Variants in FAN1 observed in about 807,000 individuals in gnomAD.
The protein encoded by FAN1 is FANCD2 and FANCI associated nuclease 1.
FAN1 carries 91 observed loss-of-function variants against 104.9 expected under a neutral mutation model. The observed-to-expected ratio is 0.87, with a 90% CI of 0.73 to 1.03. The LOEUF (loss-of-function observed/expected upper bound fraction) is 1.03. FAN1 is among the 50% of genes least tolerant of loss of function. FAN1 has a pLI of 0.00. For synonymous variants in FAN1, 478 were observed against 457.6 expected (o/e 1.04, Z -0.57); for missense variants, 1,263 against 1,239.9 (o/e 1.02, Z -0.28).
chr15:30,910,909 T>C, intron 4 of FAN1, 94 bp downstream of exon 4: 1 of 1,448,824 alleles, frequency 6.9e-7, no homozygotes, highest in Non-Finnish European at 9.1e-7. Flanking sequence ...ACTGTAATTG[T>C]TTATTTCAGT....
chr15:30,905,555 G>T lies in FAN1; in HGVS notation c.892G>T (p.Ala298Ser), dbSNP rs773780083. The stretch of plus-strand genomic sequence containing the variant: ...CAAAGAAGTGGTTGAAAAACGTGAG[G>T]CATGTCATTGTGAAGAAGTAAAAAT... ...CIKEVVEKRE[A>S]CHCEEVKMTV... Residue 298 changes from alanine to serine, a missense_variant, in exon 2 of 15, where the codon GCA becomes TCA. Transcript: ENST00000362065. 3.1e-6 allele frequency: 5 copies of T among 1,613,878 alleles called. No homozygotes were observed. Among genetic ancestry groups the T allele is most frequent in the South Asian group, 1.1e-5 (1 of 91,084 alleles).
At chr15:30,941,095 C>T (rs950580154) in intron 14 of FAN1, 3 of 1,225,602 alleles carry the variant, frequency 2.4e-6, no homozygotes, top group Admixed American at 6.6e-5. Flanking sequence ...CTAAAAATGA[C>T]ACGAAACACA....
intron 14 of FAN1, 26 bp from the exon 15 acceptor site, chr15:30,941,540 G>A (rs1434027843): frequency 1.9e-6 from 3 of 1,608,858 alleles, no homozygotes; most frequent in Non-Finnish European, 2.5e-6. Flanking sequence ...GCTTAATGGT[G>A]TTCCTAAAAT....
chr15:30,925,038 TA>T, intron 8 of FAN1, 88 bp from the exon 9 acceptor site: 1 of 1,387,010 alleles, frequency 7.2e-7, no homozygotes, highest in East Asian at 2.3e-5. Context: ...AATTCAATAA[TA>T]AACAGTGGGC....
chr15:30,904,041 C>T (rs2061908338), intron 1 of FAN1, 30 bp downstream of exon 1: 2 of 152,306 alleles, frequency 1.3e-5, no homozygotes, highest in South Asian at 4.1e-4. Context: ...GGCCTTGACC[C>T]AGCAGCGTCC....
chr15:30,926,560 T>C (rs898462775), intron 10 of FAN1: 108 of 936,448 alleles, frequency 1.2e-4, no homozygotes, highest in Non-Finnish European at 1.3e-4. Flanking sequence ...CCAGGTTCTT[T>C]CTGATGAGTG....
At chr15:30,929,177 G>A in intron 11 of FAN1, 26 bp from the exon 12 acceptor site, 2 of 1,605,752 alleles carry the variant, frequency 1.2e-6, no homozygotes, top group Non-Finnish European at 1.7e-6. Flanking sequence ...GGCACAGTAT[G>A]ACAGCTTGCT....
chr15:30,930,283 C>T (rs1169746534), intron 12 of FAN1, among the ~76,000 whole-genome samples: 1 of 152,024 alleles, frequency 6.6e-6, no homozygotes, highest in Non-Finnish European at 1.5e-5. Context: ...CCCTCTTCCT[C>T]AGCGCTCCCC....
At position 30,905,793 on chromosome 15, in the gene FAN1, G is replaced by A. The variant is rs975919963; in HGVS notation, c.1130G>A (p.Arg377Gln). The change falls in exon 2 of 15, where the codon CGG becomes CAG. Residue 377 changes from arginine to glutamine, a missense_variant. By Grantham distance (43) the Arg-to-Gln change is conservative. Around this residue, in one of 2 missense-constraint regions of FAN1, gnomAD observed 682 missense variants for 571.1 expected, o/e 1.19. Transcript: ENST00000362065. ...GQTTGHPYYL[R>Q]SFLVVLKTVL... ...ACAACCGGTCATCCTTACTACCTTC[G>A]GAGTTTCCTTGTGGTGCTGAAAACC... 5 of 1,614,040 alleles carry A rather than the reference G, an allele frequency of 3.1e-6. No homozygotes were observed. The highest frequency in any genetic ancestry group is 1.3e-5 in the African/African-American group (1 of 74,914).
chr15:30,913,825 C>A, intron 4 of FAN1, 33 bp from the exon 5 acceptor site: 1 of 1,424,480 alleles, frequency 7.0e-7, no homozygotes, highest in Non-Finnish European at 9.7e-7. Context: ...GCTTAAAAAG[C>A]TAAAAGTTAT....
chr15:30,942,028 C>CT lies in FAN1; in HGVS notation c.*469dup, dbSNP rs1301985827. ...ATTCTTGGTCACTGATGATTCCATT[C>CT]TTTAAGGCAGACGGCATTCCTCTTA... is the stretch of plus-strand genomic sequence containing the variant. On this transcript the variant is annotated 3_prime_UTR_variant, in exon 15 of 15. Transcript: ENST00000362065. 1.2e-6 allele frequency: 2 copies of CT among 1,613,852 alleles called. No individual in the cohort carries two copies. The highest frequency in any genetic ancestry group is 2.7e-5 in the African/African-American group (2 of 74,914).
chr15:30,928,277 T>C (rs1219591207), intron 10 of FAN1: 35 of 1,224,336 alleles, frequency 2.9e-5, no homozygotes, highest in Non-Finnish European at 3.5e-5. Flanking sequence ...TTCACTAAAG[T>C]TTGAGAACCA....
intron 10 of FAN1, among the ~76,000 whole-genome samples, 187 bp downstream of exon 10, chr15:30,926,126 G>T (rs978114068): frequency 6.6e-6 from 1 of 152,204 alleles, no homozygotes; most frequent in Admixed American, 6.5e-5. Flanking sequence ...AGGGGTAGTT[G>T]TCCCACAGGG....
intron 10 of FAN1, chr15:30,926,785 T>G: frequency 2.0e-6 from 2 of 985,350 alleles, no homozygotes; most frequent in Non-Finnish European, 2.4e-6. Context: ...CTGAAATGCT[T>G]TCAGTTGAGC....
chr15:30,942,707 G>C lies in FAN1; in HGVS notation c.*1145G>C, dbSNP rs2063094788. 3.4e-6 allele frequency: 2 copies of C among 596,326 alleles called. No individual in the cohort carries two copies. The highest frequency in any genetic ancestry group is 5.5e-6 in the Non-Finnish European group (2 of 362,976). 36.9% of individuals were successfully genotyped at this position (596,326 alleles called of 1,614,324 possible). A position where few individuals can be genotyped will look rare whatever the true frequency, so the allele number is the denominator to read the frequency against. ...ACTCTCAGGTACTGAGACTTTGTGG[G>C]CCTCAGACACCAGGAAGAAAGCTGG... On this transcript the variant is annotated 3_prime_UTR_variant, in exon 15 of 15. Transcript: ENST00000362065.
rs1479249008 is a variant in FAN1 at position 30,932,712 on chromosome 15, T to C, written c.2916+2041T>C. Among the ~76,000 whole-genome samples, 4 of 93,828 alleles carry C rather than the reference T, an allele frequency of 4.3e-5. No individual in the cohort carries two copies. The East Asian group carries it at 3.3e-3, about 78-fold the overall frequency. The allele number at this position is 93,828 out of a possible 152,430, so 61.6% of individuals were successfully genotyped here. On this transcript the variant is annotated intron_variant, in intron 13 of 14. Coordinates refer to ENST00000362065, the MANE Select transcript of FAN1 (RefSeq NM_014967.5). ...TCTTAAAGTTGTTTATATTTGTTTC[T>C]TTTCTTTTTTTTTTTTTTTGAGATG...
At chr15:30,922,738 G>A (rs952121301) in intron 8 of FAN1, among the ~76,000 whole-genome samples, 1 of 152,238 alleles carries the variant, frequency 6.6e-6, no homozygotes, top group Non-Finnish European at 1.5e-5. Context: ...TTGTAGCACA[G>A]GGTCTCTAGG....
intron 14 of FAN1, chr15:30,939,818 T>C (rs2062978351): frequency 1.0e-6 from 1 of 985,302 alleles, no homozygotes; most frequent in African/African-American, 1.7e-5. Context: ...TGGTTTCTAA[T>C]CAAGGACTGT....
intron 5 of FAN1, 61 bp downstream of exon 5, chr15:30,914,152 T>C: frequency 7.9e-7 from 1 of 1,269,062 alleles, no homozygotes; most frequent in Non-Finnish European, 1.1e-6. Context: ...AGTAAAAGGT[T>C]TTGTTATTTT....
Sources: gnomAD v4.1 joint callset for allele counts (sites outside exome capture counted in the v4.1 genomes callset) on GRCh38, gnomAD v4.1.1 for gene constraint, gnomAD v4.1.1 regional missense constraint, MANE v1.5 for transcripts, NCBI Gene and HGNC (gene_info 2026-07-23, HGNC 2026-07-21) for gene names.